Variants in HECTD4 observed in about 807,000 individuals in gnomAD.
HECTD4 encodes the protein HECT domain E3 ubiquitin protein ligase 4.
Under a neutral mutation model 471.5 loss-of-function variants are expected in HECTD4, and 114 were observed. The ratio of observed to expected loss-of-function variants is 0.24; its 90% CI spans 0.21 to 0.28. The LOEUF is 0.28. Among genes scored for constraint, HECTD4 ranks in the 10% least tolerant of loss-of-function variants. The probability of loss-of-function intolerance (pLI) is 1.00; values close to 1 mark genes in which losing one functional copy is unlikely to be tolerated. For missense variants in HECTD4, 3,866 were observed against 5,651.5 expected, an observed-to-expected ratio of 0.68 and a Z score of 10.13; for synonymous variants, 2,012 against 2,256.0, an observed-to-expected ratio of 0.89 and a Z score of 3.07.
At chr12:112,234,454 T>G (rs1011199516) in intron 37 of HECTD4, among the ~76,000 whole-genome samples, 2 of 152,186 alleles carry the variant, frequency 1.3e-5, no homozygotes, top group African/African-American at 4.8e-5. Context: ...ATCATTTAAG[T>G]AAAGAGAGGC....
chr12:112,288,487 T>G (rs1407770744), intron 7 of HECTD4, among the ~76,000 whole-genome samples: 2 of 151,822 alleles, frequency 1.3e-5, no homozygotes, highest in African/African-American at 4.8e-5. Context: ...CCAGGCATGG[T>G]GGCATGAGCC....
chr12:112,304,877 C>T (rs1269249582), intron 7 of HECTD4, among the ~76,000 whole-genome samples: 1 of 152,144 alleles, frequency 6.6e-6, no homozygotes, highest in East Asian at 1.9e-4. Context: ...GGATGACTGG[C>T]TTCCCAGAAC....
chr12:112,187,057 G>A (rs183722958), intron 60 of HECTD4, among the ~76,000 whole-genome samples: 12 of 151,794 alleles, frequency 7.9e-5, no homozygotes, highest in African/African-American at 1.9e-4. Flanking sequence ...TTGGCTCACC[G>A]CAACCTCCGC....
Position 112,251,674 on chromosome 12 carries a change from G to A in HECTD4, c.3553-540C>T, listed in dbSNP as rs867046320. 5.9e-5 allele frequency among the ~76,000 whole-genome samples: 9 copies of A among 152,226 alleles called. No homozygotes were observed. In the South Asian group the frequency reaches 6.2e-4, roughly 10 times the overall value. ...ATGCCACTCTGGAGAGTCTTAGCTTGGTTAAGCTTAAGAAACCTCAAAGTC... is the reference window on the plus strand; with the variant it reads ...ATGCCACTCTGGAGAGTCTTAGCTTAGTTAAGCTTAAGAAACCTCAAAGTC... On this transcript the variant is annotated intron_variant, in intron 23 of 75. Transcript: ENST00000682272.
intron 51 of HECTD4, 35 bp from the exon 52 acceptor site, chr12:112,208,035 A>G: frequency 6.2e-7 from 1 of 1,603,878 alleles, no homozygotes; most frequent in Non-Finnish European, 8.5e-7. Context: ...ACAGAGAAGG[A>G]ATATCTGGTG....
intron 37 of HECTD4, 37 bp from the exon 38 acceptor site, chr12:112,233,122 C>T: frequency 4.5e-6 from 7 of 1,543,742 alleles, no homozygotes; most frequent in Non-Finnish European, 5.3e-6. Context: ...GCACACCTTA[C>T]AGGCACTGCC....
chr12:112,276,604 C>A (rs768264544), intron 9 of HECTD4, among the ~76,000 whole-genome samples: 3 of 152,080 alleles, frequency 2.0e-5, no homozygotes, highest in African/African-American at 7.2e-5. Context: ...CGCGCCACCA[C>A]GCCCAGCTAA....
At chr12:112,306,026 G>A in intron 7 of HECTD4, 38 bp downstream of exon 7, 1 of 1,562,506 alleles carries the variant, frequency 6.4e-7, no homozygotes, top group Non-Finnish European at 8.7e-7. Flanking sequence ...AAACAGAAAT[G>A]TTTCTGCAAA....
At chr12:112,167,692 CCA>C in intron 71 of HECTD4, 120 bp downstream of exon 71, 1 of 1,070,516 alleles carries the variant, frequency 9.3e-7, no homozygotes, top group African/African-American at 1.6e-5. Context: ...GGACCTGTCC[CCA>C]CAGATTGGGA....
intron 44 of HECTD4, among the ~76,000 whole-genome samples, chr12:112,221,746 T>C (rs1420313612): frequency 1.3e-5 from 2 of 151,474 alleles, no homozygotes; most frequent in African/African-American, 2.4e-5. Context: ...CTCTTGTTTT[T>C]CTTTTTCTTT....
intron 38 of HECTD4, among the ~76,000 whole-genome samples, 151 bp from the exon 39 acceptor site, chr12:112,231,866 T>C (rs1008271668): frequency 6.6e-6 from 1 of 152,144 alleles, no homozygotes; most frequent in African/African-American, 2.4e-5. Flanking sequence ...AAAATTTCCA[T>C]AGACATCCCA....
chr12:112,305,984 A>G, intron 7 of HECTD4, 80 bp downstream of exon 7: 4 of 1,345,658 alleles, frequency 3.0e-6, no homozygotes, highest in Non-Finnish European at 4.1e-6. Flanking sequence ...CAAGGTTCTT[A>G]GGCCCTTTGC....
chr12:112,276,575 G>A (rs1468929002), intron 9 of HECTD4, among the ~76,000 whole-genome samples: 2 of 152,170 alleles, frequency 1.3e-5, no homozygotes, highest in Non-Finnish European at 2.9e-5. Flanking sequence ...AGCCTCCTGT[G>A]TAGCTGGGAC....
chr12:112,226,981 A>G (rs2033256217), intron 43 of HECTD4, among the ~76,000 whole-genome samples: 1 of 152,202 alleles, frequency 6.6e-6, no homozygotes, highest in South Asian at 2.1e-4. Context: ...AAGAATTGGA[A>G]AAGAGAAAAA....
At chr12:112,187,517 C>A (rs868673207) in intron 60 of HECTD4, among the ~76,000 whole-genome samples, 1 of 151,682 alleles carries the variant, frequency 6.6e-6, no homozygotes, top group African/African-American at 2.4e-5. Flanking sequence ...GGATTACAGG[C>A]GTGAGACACC....
At chr12:112,331,026 T>G (rs2035836588) in intron 1 of HECTD4, among the ~76,000 whole-genome samples, 1 of 152,138 alleles carries the variant, frequency 6.6e-6, no homozygotes, top group Non-Finnish European at 1.5e-5. Context: ...TCAGAATATG[T>G]GAGGATGGGG....
At chr12:112,220,168 T>G (rs975934042) in intron 44 of HECTD4, among the ~76,000 whole-genome samples, 1 of 152,196 alleles carries the variant, frequency 6.6e-6, no homozygotes, top group African/African-American at 2.4e-5. Flanking sequence ...TCAATAAATG[T>G]GTTGTTATTC....
chr12:112,208,644 C>T lies in HECTD4; in HGVS notation c.7868-14G>A. The T allele has an allele frequency of 6.5e-7, 1 of 1,538,948 alleles. No individual in the cohort carries two copies. Among genetic ancestry groups the T allele is most frequent in the African/African-American group, 1.4e-5 (1 of 72,310 alleles). ...CACTATCATATTCTGTAACAGAGCA[C>T]AAGGACAGCGAATTCTAAACAAGAG... is the stretch of plus-strand genomic sequence containing the variant. On this transcript the variant is annotated splice_polypyrimidine_tract_variant and intron_variant, in intron 50 of 75. Coordinates refer to ENST00000682272, the MANE Select transcript of HECTD4 (RefSeq NM_001388303.1).
chr12:112,311,147 A>C (rs922375355), intron 4 of HECTD4, among the ~76,000 whole-genome samples: 1 of 152,130 alleles, frequency 6.6e-6, no homozygotes, highest in African/African-American at 2.4e-5. Flanking sequence ...TTGTAATCCC[A>C]GCTACTAGGG....
Sources: gnomAD v4.1 joint callset for allele counts (sites outside exome capture counted in the v4.1 genomes callset) on GRCh38, gnomAD v4.1.1 for gene constraint, MANE v1.5 for transcripts, NCBI Gene and HGNC (gene_info 2026-07-23, HGNC 2026-07-21) for gene names.